WDFY2: variants seen among roughly 807,000 people sequenced by gnomAD.
WDFY2 encodes the protein WD repeat and FYVE domain-containing protein 2.
In WDFY2, 36 loss-of-function variants were observed where a neutral mutation model predicts 56.4. The ratio of observed to expected loss-of-function variants is 0.64; its 90% CI spans 0.49 to 0.84. The LOEUF is 0.84. Ranked by LOEUF, WDFY2 falls within the 40% of genes least tolerant of loss-of-function variation. The pLI is 0.00. For missense variants in WDFY2, 444 were observed against 512.2 expected (o/e 0.87, Z 1.29); for synonymous variants, 176 against 183.7 (o/e 0.96, Z 0.34).
rs189053720 is a variant in WDFY2 at position 51,647,120 on chromosome 13, G to A, written c.138-13476G>A. 2.0e-5 allele frequency among the ~76,000 whole-genome samples: 3 copies of A among 152,232 alleles called. No individual in the cohort carries two copies. The East Asian group carries it at 5.8e-4, about 29-fold the overall frequency. On this transcript the variant is annotated intron_variant, in intron 1 of 11. Coordinates refer to ENST00000298125, the MANE Select transcript of WDFY2 (RefSeq NM_052950.4). ...TGTATGTAGGTCATATGCAAATACT[G>A]TACCATTTTATATTAGAGACTTGAG...
At chr13:51,617,655 G>C (rs573521643) in intron 1 of WDFY2, among the ~76,000 whole-genome samples, 3 of 152,260 alleles carry the variant, frequency 2.0e-5, no homozygotes, top group African/African-American at 7.2e-5. Flanking sequence ...AGATTCCTTA[G>C]GGTGGAACAT....
chr13:51,638,623 A>G (rs954471340), intron 1 of WDFY2, among the ~76,000 whole-genome samples: 2 of 152,228 alleles, frequency 1.3e-5, no homozygotes, highest in Non-Finnish European at 2.9e-5. Context: ...AAAAATACCC[A>G]TTCATGAAAA....
At chr13:51,696,987 A>T (rs1189140750) in intron 3 of WDFY2, among the ~76,000 whole-genome samples, 2 of 152,232 alleles carry the variant, frequency 1.3e-5, no homozygotes, top group African/African-American at 4.8e-5. Context: ...GAAAAACAAT[A>T]AAATCCTGTG....
intron 4 of WDFY2, among the ~76,000 whole-genome samples, chr13:51,715,735 G>A (rs576411559): frequency 2.0e-5 from 3 of 152,202 alleles, no homozygotes; most frequent in Admixed American, 2.0e-4. Flanking sequence ...ATTATTGTAG[G>A]TGCTGTACTT....
chr13:51,736,864 A>T (rs1001935125), intron 6 of WDFY2, among the ~76,000 whole-genome samples: 1 of 152,208 alleles, frequency 6.6e-6, no homozygotes, highest in Admixed American at 6.5e-5. Context: ...CACCTGGGTC[A>T]TGGTAAGCCC....
chr13:51,597,550 A>G (rs1954174483), intron 1 of WDFY2, among the ~76,000 whole-genome samples: 2 of 152,216 alleles, frequency 1.3e-5, no homozygotes, highest in South Asian at 4.1e-4. Context: ...TAAAAAGTTT[A>G]TCTGTCTGTT....
At chr13:51,681,976 G>A (rs1357121821) in intron 3 of WDFY2, among the ~76,000 whole-genome samples, 5 of 152,140 alleles carry the variant, frequency 3.3e-5, no homozygotes, top group Admixed American at 1.3e-4. Context: ...TCAAGCAGTC[G>A]TGAATGCAGA....
rs1404790241 is a variant in WDFY2 at position 51,679,331 on chromosome 13, T to C, written c.279+4088T>C. ...ATATATATATCTTTATAAATACTTA[T>C]TTTCTTCTCCATCAAAACTTACAGG... On this transcript the variant is annotated intron_variant, in intron 3 of 11. Coordinates refer to ENST00000298125, the MANE Select transcript of WDFY2 (RefSeq NM_052950.4). Among the ~76,000 whole-genome samples, 6 of 152,202 alleles carry C rather than the reference T, an allele frequency of 3.9e-5. No homozygotes were observed. The South Asian group carries it at 1.0e-3, about 26-fold the overall frequency.
chr13:51,698,838 C>T (rs377319056), intron 3 of WDFY2, among the ~76,000 whole-genome samples: 2 of 151,970 alleles, frequency 1.3e-5, no homozygotes, highest in African/African-American at 4.8e-5. Context: ...TTCAGTACTA[C>T]GAAAGATTTG....
intron 8 of WDFY2, among the ~76,000 whole-genome samples, chr13:51,754,230 T>A (rs1486497577): frequency 6.6e-6 from 1 of 152,170 alleles, no homozygotes. Flanking sequence ...CCATCATGTG[T>A]ACCATTCACA....
chr13:51,648,698 T>G (rs552736117), intron 1 of WDFY2, among the ~76,000 whole-genome samples: 1 of 152,292 alleles, frequency 6.6e-6, no homozygotes, highest in East Asian at 1.9e-4. Context: ...GTAACAAACC[T>G]GCACGTTCTG....
At chr13:51,586,294 A>C (rs181672151) in intron 1 of WDFY2, 121 of 375,200 alleles carry the variant, frequency 3.2e-4, no homozygotes, top group African/African-American at 2.3e-3. Context: ...TCACTTTCCC[A>C]GTCTGTAACT....
At chr13:51,652,472 A>G (rs376297233) in intron 1 of WDFY2, among the ~76,000 whole-genome samples, 1 of 152,158 alleles carries the variant, frequency 6.6e-6, no homozygotes, top group Admixed American at 6.5e-5. Context: ...TATTTTGCTC[A>G]TTAGTTGATG....
At chr13:51,593,129 C>G (rs917289784) in intron 1 of WDFY2, among the ~76,000 whole-genome samples, 2 of 152,152 alleles carry the variant, frequency 1.3e-5, no homozygotes, top group African/African-American at 4.8e-5. Flanking sequence ...CTCACTTAAA[C>G]TTTTGCCAGC....
intron 4 of WDFY2, among the ~76,000 whole-genome samples, chr13:51,705,611 G>A (rs1010434243): frequency 5.3e-5 from 8 of 150,884 alleles, no homozygotes; most frequent in African/African-American, 1.5e-4. Flanking sequence ...GTAGATAGTA[G>A]GTATATATAT....
intron 7 of WDFY2, among the ~76,000 whole-genome samples, chr13:51,746,733 G>A (rs1953113969): frequency 6.6e-6 from 1 of 152,208 alleles, no homozygotes; most frequent in Non-Finnish European, 1.5e-5. Flanking sequence ...GAAATTGTGG[G>A]TTAGAGATAG....
chr13:51,720,942 TTCTCTCTCTCTCTCTC>T (rs71749521), intron 5 of WDFY2, among the ~76,000 whole-genome samples: 9 of 147,846 alleles, frequency 6.1e-5, no homozygotes, highest in Admixed American at 2.0e-4. Flanking sequence ...TCATTCTGTC[TTCTCTCTCTCTCTCTC>T]TCTCTCTCTC....
intron 5 of WDFY2, among the ~76,000 whole-genome samples, chr13:51,724,189 C>T (rs934875056): frequency 6.7e-6 from 1 of 149,816 alleles, no homozygotes; most frequent in East Asian, 1.9e-4. Flanking sequence ...CTATTTTTGG[C>T]CAGTAATAGC....
chr13:51,749,418 G>T (rs529191658), intron 7 of WDFY2, among the ~76,000 whole-genome samples: 3 of 151,990 alleles, frequency 2.0e-5, no homozygotes, highest in Non-Finnish European at 4.4e-5. Flanking sequence ...AATGCTCCTG[G>T]CATAATCTCA....
Sources: gnomAD v4.1 joint callset for allele counts (sites outside exome capture counted in the v4.1 genomes callset) on GRCh38, gnomAD v4.1.1 for gene constraint, MANE v1.5 for transcripts, NCBI Gene and HGNC (gene_info 2026-07-23, HGNC 2026-07-21) for gene names.